The following RAB11A variants were observed in gnomAD, a reference collection of about 807,000 sequenced individuals.
RAB11A encodes ras-related protein Rab-11A.
In RAB11A, 9 loss-of-function variants were observed where a neutral mutation model predicts 28.0. The observed-to-expected ratio is 0.32, with a 90% CI of 0.19 to 0.56. RAB11A has a LOEUF of 0.56. Ranked by LOEUF, RAB11A falls within the 20% of genes least tolerant of loss-of-function variation. The pLI is 0.91. For synonymous variants in RAB11A, 85 were observed against 88.2 expected, an observed-to-expected ratio of 0.96 and a Z score of 0.20; for missense variants, 108 against 269.6, an observed-to-expected ratio of 0.40 and a Z score of 4.20.
At chr15:65,869,671 C>T (rs770926962) in intron 1 of RAB11A, 46 bp downstream of exon 1, 5 of 1,579,772 alleles carry the variant, frequency 3.2e-6, no homozygotes, top group East Asian at 4.5e-5. Flanking sequence ...CGTTCGGGGA[C>T]CCGGGCCACT....
At chr15:65,875,629 A>C (rs1474752312) in intron 1 of RAB11A, among the ~76,000 whole-genome samples, 36 of 152,226 alleles carry the variant, frequency 2.4e-4, no homozygotes, top group Admixed American at 2.3e-3. Context: ...CATTGGATTC[A>C]CTGCCTCCTG....
In RAB11A at chr15:65,891,874, A is replaced by G. The variant is rs1434239370; in HGVS notation, c.*4034A>G. 1 of 152,212 alleles carries G rather than the reference A, an allele frequency of 6.6e-6. No homozygotes were observed. The highest frequency in any genetic ancestry group is 2.4e-5 in the African/African-American group (1 of 41,464). The allele number at this position is 152,212 out of a possible 1,614,324, so 9.4% of individuals were successfully genotyped here. A position where few individuals can be genotyped will look rare whatever the true frequency, so the allele number is the denominator to read the frequency against. ...GGAGAGGAGCACTTGATGGGCTGCT[A>G]TGTTAACTGTAAATTGAGAACTGCT... is the stretch of plus-strand genomic sequence containing the variant. On this transcript the variant is annotated 3_prime_UTR_variant, in exon 5 of 5. Coordinates refer to ENST00000261890, the MANE Select transcript of RAB11A (RefSeq NM_004663.5).
At chr15:65,878,990 CTTTT>C (rs35545905) in intron 3 of RAB11A, among the ~76,000 whole-genome samples, 6 of 128,508 alleles carry the variant, frequency 4.7e-5, no homozygotes, top group Non-Finnish European at 3.3e-5. Context: ...CAATTTCTCA[CTTTT>C]TTTTTTTTTT....
intron 1 of RAB11A, among the ~76,000 whole-genome samples, chr15:65,871,163 T>G (rs183101664): frequency 0.039 from 5,788 of 149,542 alleles, 163 homozygotes; most frequent in Non-Finnish European, 0.061. Flanking sequence ...AGGAAAGATT[T>G]CTTTGCTTTC....
In RAB11A at chr15:65,887,633, A is replaced by G. The variant is rs1596793519; in HGVS notation, c.512-68A>G. ...TGATGCAAATATATCTCCTACCTTT[A>G]TGTATCTTTTATCCTAACTATGATA... On this transcript the variant is annotated intron_variant, in intron 4 of 4. Transcript: ENST00000261890. The G allele has an allele frequency of 8.5e-6, 12 of 1,415,632 alleles. 1 individual carries two copies. The highest frequency in any genetic ancestry group is 1.8e-4 in the Middle Eastern group (1 of 5,486). The allele number at this position is 1,415,632 out of a possible 1,614,324, so 87.7% of individuals were successfully genotyped here.
intron 4 of RAB11A, among the ~76,000 whole-genome samples, chr15:65,883,787 C>T (rs540029610): frequency 1.1e-4 from 17 of 152,022 alleles, no homozygotes; most frequent in African/African-American, 3.6e-4. Flanking sequence ...CCTGGCCTCA[C>T]GTGATTCGCC....
intron 3 of RAB11A, among the ~76,000 whole-genome samples, chr15:65,878,527 CA>C (rs1324301853): frequency 1.3e-5 from 2 of 152,078 alleles, no homozygotes; most frequent in South Asian, 2.1e-4. Flanking sequence ...ACTAAAAATA[CA>C]AAAAACCGGG....
At chr15:65,886,777 A>G (rs1334853275) in intron 4 of RAB11A, among the ~76,000 whole-genome samples, 1 of 152,258 alleles carries the variant, frequency 6.6e-6, no homozygotes, top group African/African-American at 2.4e-5. Flanking sequence ...CACAGTTTTG[A>G]TCCTTACAGA....
intron 3 of RAB11A, 24 bp from the exon 4 acceptor site, chr15:65,879,647 C>T (rs747519382): frequency 2.6e-6 from 4 of 1,533,772 alleles, no homozygotes; most frequent in Non-Finnish European, 3.6e-6. Context: ...CTTAACAAGA[C>T]TGAACTTTTG....
At chr15:65,886,659 C>G (rs1182114616) in intron 4 of RAB11A, among the ~76,000 whole-genome samples, 1 of 152,074 alleles carries the variant, frequency 6.6e-6, no homozygotes, top group African/African-American at 2.4e-5. Flanking sequence ...AGTATAAGAC[C>G]AAACGTGTTA....
At chr15:65,872,626 G>C (rs1024807628) in intron 1 of RAB11A, among the ~76,000 whole-genome samples, 1 of 151,816 alleles carries the variant, frequency 6.6e-6, no homozygotes, top group African/African-American at 2.4e-5. Context: ...TAGAGACGGG[G>C]TTTCTCCATG....
intron 1 of RAB11A, among the ~76,000 whole-genome samples, chr15:65,872,614 A>G (rs565749151): frequency 6.6e-6 from 1 of 151,530 alleles, no homozygotes; most frequent in Non-Finnish European, 1.5e-5. Flanking sequence ...TTGTATTTCT[A>G]GTAGAGACGG....
At position 65,869,513 on chromosome 15, in the gene RAB11A, T is replaced by A. The variant is rs2078144355; in HGVS notation, c.-73T>A. The A allele has an allele frequency of 6.4e-7, 1 of 1,567,750 alleles. No individual in the cohort carries two copies. Among genetic ancestry groups the A allele is most frequent in the Admixed American group, 1.8e-5 (1 of 56,230 alleles). On this transcript the variant is annotated 5_prime_UTR_variant, in exon 1 of 5. Coordinates refer to ENST00000261890, the MANE Select transcript of RAB11A (RefSeq NM_004663.5). Reference sequence around the variant, plus strand: ...GGCAGTTGAAGCTCGGCGCTCGGGTTACCCCTGCAGCGACGCCCCCTGGTC... The same window carrying A: ...GGCAGTTGAAGCTCGGCGCTCGGGTAACCCCTGCAGCGACGCCCCCTGGTC...
chr15:65,876,997 T>C (rs1306070988), intron 1 of RAB11A, among the ~76,000 whole-genome samples: 3 of 152,224 alleles, frequency 2.0e-5, no homozygotes, highest in Non-Finnish European at 4.4e-5. Flanking sequence ...AAGATTGGCA[T>C]AGCATTGACG....
intron 4 of RAB11A, among the ~76,000 whole-genome samples, chr15:65,881,877 T>TAAAAAAAAAAA (rs57352123): frequency 1.2e-5 from 1 of 86,380 alleles, no homozygotes; most frequent in Admixed American, 1.3e-4. Flanking sequence ...ACCCTGTCTC[T>TAAAAAAAAAAA]AAAAAAAAAA....
At chr15:65,872,187 T>TA (rs950648850) in intron 1 of RAB11A, among the ~76,000 whole-genome samples, 14 of 151,864 alleles carry the variant, frequency 9.2e-5, no homozygotes, top group African/African-American at 3.1e-4. Context: ...CTCCTGGACT[T>TA]AAGCAATCCA....
chr15:65,876,930 A>C (rs1250233710), intron 1 of RAB11A, among the ~76,000 whole-genome samples: 1 of 152,238 alleles, frequency 6.6e-6, no homozygotes, highest in East Asian at 1.9e-4. Context: ...TTTTAATATC[A>C]TAAATTATTC....
Position 65,887,855 on chromosome 15 carries a change from C to G in RAB11A, c.*15C>G. 6.3e-7 allele frequency: 1 copy of G among 1,598,130 alleles called. No individual in the cohort carries two copies. ...AGAACATCTAAGGCATTTCTCTTCT[C>G]CCCTAGAAGGCTGTGTATAGTCCAT... On this transcript the variant is annotated 3_prime_UTR_variant, in exon 5 of 5. Coordinates refer to ENST00000261890, the MANE Select transcript of RAB11A (RefSeq NM_004663.5).
intron 1 of RAB11A, among the ~76,000 whole-genome samples, chr15:65,872,677 G>A (rs558121306): frequency 5.3e-5 from 8 of 151,632 alleles, no homozygotes; most frequent in South Asian, 2.1e-4. Context: ...CAGGTGATCC[G>A]CCCGCCTGGG....
Sources: gnomAD v4.1 joint callset for allele counts (sites outside exome capture counted in the v4.1 genomes callset) on GRCh38, gnomAD v4.1.1 for gene constraint, MANE v1.5 for transcripts, NCBI Gene and HGNC (gene_info 2026-07-23, HGNC 2026-07-21) for gene names.